Variants in CYB5R2 observed in about 807,000 individuals in gnomAD.
CYB5R2 encodes the protein cytochrome b5 reductase 2.
In CYB5R2, 35 loss-of-function variants were observed where a neutral mutation model predicts 29.8. The observed-to-expected ratio is 1.17, with a 90% CI of 0.90 to 1.56. CYB5R2 has a LOEUF of 1.56. Among genes scored for constraint, CYB5R2 ranks in the 40% most tolerant of loss-of-function variants. CYB5R2 has a pLI of 0.00. For missense variants in CYB5R2, 419 were observed against 346.7 expected, an observed-to-expected ratio of 1.21 and a Z score of -1.66; for synonymous variants, 169 against 130.6, an observed-to-expected ratio of 1.29 and a Z score of -2.01.
At chr11:7,666,853 G>GGC in intron 7 of CYB5R2, 4 of 215,618 alleles carry the variant, frequency 1.9e-5, no homozygotes, top group Non-Finnish European at 3.7e-5. Context: ...GGCTTCACTC[G>GGC]GAGCTCCAGC....
At chr11:7,673,868 A>C (rs1855922685), upstream of CYB5R2, 1 of 990,454 alleles carries the variant, frequency 1.0e-6, no homozygotes, top group African/African-American at 1.7e-5. Flanking sequence ...GGGAGGACAA[A>C]AGCGCGGGCG....
At chr11:7,671,388 A>G (rs956113632) in intron 3 of CYB5R2, 2 of 152,268 alleles carry the variant, frequency 1.3e-5, no homozygotes, top group African/African-American at 4.8e-5. Context: ...AGGCCTCTAC[A>G]TTACCTTGTC....
chr11:7,672,911 C>T lies in CYB5R2; in HGVS notation c.-66-20G>A. 1 of 1,600,934 alleles carries T rather than the reference C, an allele frequency of 6.2e-7. No homozygotes were observed. Among genetic ancestry groups the T allele is most frequent in the Non-Finnish European group, 8.5e-7 (1 of 1,173,506 alleles). ...CGGGTCCTGGCAGACACAATGTGAA[C>T]AGAGCACCTCAGGTCTTGCCCGCCC... On this transcript the variant is annotated intron_variant, in intron 1 of 8. Transcript: ENST00000299498.
Position 7,665,255 on chromosome 11 carries a change from T to A in CYB5R2, c.*119A>T, listed in dbSNP as rs1855035037. ...CACACCCAAAAGAGGAGAACCAGTG[T>A]GTGCGCGAAGGTACATGGCAAGGCA... is the stretch of plus-strand genomic sequence containing the variant. On this transcript the variant is annotated 3_prime_UTR_variant, in exon 9 of 9. Transcript: ENST00000299498. The A allele has an allele frequency of 1.2e-6, 1 of 842,966 alleles. No homozygotes were observed. The highest frequency in any genetic ancestry group is 2.9e-5 in the East Asian group (1 of 34,554). The allele number at this position is 842,966 out of a possible 1,614,324, so 52.2% of individuals were successfully genotyped here.
intron 6 of CYB5R2, 108 bp from the exon 7 acceptor site, chr11:7,667,921 C>T: frequency 2.2e-6 from 2 of 889,506 alleles, no homozygotes; most frequent in Middle Eastern, 2.4e-4. Flanking sequence ...ATCCTTTTCT[C>T]ACTTCTGTCC....
upstream of CYB5R2, chr11:7,673,964 C>G (rs1855932038): frequency 9.8e-7 from 1 of 1,021,548 alleles, no homozygotes; most frequent in African/African-American, 1.7e-5. Flanking sequence ...GCCGCTGGCT[C>G]TGGGTCAGCC....
upstream of CYB5R2, chr11:7,674,034 G>A: frequency 8.5e-7 from 1 of 1,171,984 alleles, no homozygotes; most frequent in East Asian, 6.6e-5. Context: ...TGGCGTCCTC[G>A]CTCCTGCGCT....
At position 7,672,786 on chromosome 11, in the gene CYB5R2, G is replaced by A. The variant is rs371577976; in HGVS notation, c.40C>T (p.Pro14Ser). The A allele has an allele frequency of 1.6e-4, 259 of 1,613,992 alleles. No individual in the cohort carries two copies. The highest frequency in any genetic ancestry group is 2.0e-4 in the Non-Finnish European group (236 of 1,180,024). The change falls in exon 2 of 9, where the codon CCT (proline) becomes TCT (serine). Residue 14 changes from proline to serine, a missense_variant. Transcript: ENST00000299498. ...AAGGGCAGCGGGTACTTGGCTTCAG[G>A]GTCCTGTAAGGTGATTGGCTCTCTC... ...RRREPITLQDPEAKYPLPLIE... is the reference protein window; with the variant it reads ...RRREPITLQDSEAKYPLPLIE...
At chr11:7,666,589 C>T in intron 7 of CYB5R2, 39 bp from the exon 8 acceptor site, 1 of 1,461,392 alleles carries the variant, frequency 6.8e-7, no homozygotes, top group Non-Finnish European at 9.6e-7. Context: ...CCTCCAGGGC[C>T]ATCCTCTTGT....
At chr11:7,669,849 T>G in intron 3 of CYB5R2, 118 bp from the exon 4 acceptor site, 1 of 768,856 alleles carries the variant, frequency 1.3e-6, no homozygotes, top group Non-Finnish European at 2.2e-6. Context: ...TTAAGAGGGG[T>G]GGGAAGAAGA....
At chr11:7,673,810 C>T (rs929494351), upstream of CYB5R2, 214 of 988,226 alleles carry the variant, frequency 2.2e-4, 1 homozygote, top group African/African-American at 3.5e-3. Flanking sequence ...CGCCCCGCAG[C>T]TCCGCCTGGC....
intron 5 of CYB5R2, 24 bp from the exon 6 acceptor site, chr11:7,668,585 G>A (rs201619348): frequency 3.2e-6 from 5 of 1,577,684 alleles, no homozygotes; most frequent in African/African-American, 1.3e-5. Context: ...GAATGCTTAT[G>A]ACCTCTGCAG....
upstream of CYB5R2, chr11:7,673,805 C>A (rs919426833): frequency 2.0e-6 from 2 of 988,246 alleles, no homozygotes; most frequent in Middle Eastern, 1.0e-3. Flanking sequence ...GGCGTCGCCC[C>A]GCAGCTCCGC....
At chr11:7,672,307 T>A in intron 3 of CYB5R2, 144 bp downstream of exon 3, 1 of 657,164 alleles carries the variant, frequency 1.5e-6, no homozygotes, top group Admixed American at 2.9e-5. Context: ...CATCCCCCTA[T>A]CTATCTCCCT....
chr11:7,668,567 AAC>A lies in CYB5R2; in HGVS notation c.389-8_389-7del, dbSNP rs767839594. 1.1e-5 allele frequency: 17 copies of A among 1,609,702 alleles called. No homozygotes were observed. The East Asian group carries it at 2.2e-4, about 21-fold the overall frequency. ...TGGTCTGATTCCAAGATTCCCTGGA[AAC>A]ACAGAGAATGCTTATGACCTCTGCA... On this transcript the variant is annotated splice_region_variant and splice_polypyrimidine_tract_variant and intron_variant, in intron 5 of 8. Coordinates refer to ENST00000299498, the MANE Select transcript of CYB5R2 (RefSeq NM_016229.5).
Position 7,665,240 on chromosome 11 carries a change from AGAG to A in CYB5R2, c.*131_*133del, listed in dbSNP as rs1855033432. The A allele has an allele frequency of 4.0e-6, 3 of 752,230 alleles. No individual in the cohort carries two copies. The highest frequency in any genetic ancestry group is 2.0e-6 in the Non-Finnish European group (1 of 488,944). 46.6% of individuals were successfully genotyped at this position (752,230 alleles called of 1,614,324 possible). ...CCTTTTTGTTAGGCCCACACCCAAAAGAGGAGAACCAGTGTGTGCGCGAAGGTA... is the reference window on the plus strand; with the variant it reads ...CCTTTTTGTTAGGCCCACACCCAAAAGAGAACCAGTGTGTGCGCGAAGGTA... On this transcript the variant is annotated 3_prime_UTR_variant, in exon 9 of 9. Coordinates refer to ENST00000299498, the MANE Select transcript of CYB5R2 (RefSeq NM_016229.5).
intron 7 of CYB5R2, chr11:7,667,471 C>A: frequency 2.9e-6 from 1 of 349,962 alleles, no homozygotes; most frequent in South Asian, 8.4e-5. Flanking sequence ...AGCAAAAATA[C>A]AGCAGTACAT....
intron 7 of CYB5R2, chr11:7,666,892 A>C: frequency 4.9e-6 from 1 of 203,676 alleles, no homozygotes; most frequent in Non-Finnish European, 1.0e-5. Context: ...ACTGAGCTCT[A>C]GCACAGCAAA....
chr11:7,674,023 G>A (rs758998855), upstream of CYB5R2: 100 of 1,169,112 alleles, frequency 8.6e-5, no homozygotes, highest in Non-Finnish European at 1.0e-4. Context: ...GCGCTGAGCC[G>A]TGGCGTCCTC....
Sources: allele counts gnomAD v4.1 joint callset, GRCh38; gene constraint gnomAD v4.1.1; transcripts MANE v1.5; gene names NCBI Gene and HGNC (gene_info 2026-07-23, HGNC 2026-07-21).